The following MINDY2 variants were observed in gnomAD, a reference collection of about 807,000 sequenced individuals.
The protein encoded by MINDY2 is ubiquitin carboxyl-terminal hydrolase MINDY-2.
MINDY2 carries 52 observed loss-of-function variants against 68.2 expected under a neutral mutation model. The ratio of observed to expected loss-of-function variants is 0.76; its 90% CI spans 0.61 to 0.96. The LOEUF (loss-of-function observed/expected upper bound fraction) is 0.96. Among genes scored for constraint, MINDY2 ranks in the 40% least tolerant of loss-of-function variants. The probability of loss-of-function intolerance (pLI) is 0.00; values close to 1 mark genes in which losing one functional copy is unlikely to be tolerated. For synonymous variants in MINDY2, 372 were observed against 303.0 expected (o/e 1.23, Z -2.36); for missense variants, 881 against 773.4 (o/e 1.14, Z -1.65).
At chr15:58,787,276 G>T (rs1217478784) in intron 1 of MINDY2, among the ~76,000 whole-genome samples, 1 of 151,452 alleles carries the variant, frequency 6.6e-6, no homozygotes, top group African/African-American at 2.4e-5. Context: ...TTACAGGCAG[G>T]AGCCACTGTG....
At chr15:58,826,856 CCCTCCCTT>C (rs2031428658) in intron 5 of MINDY2, among the ~76,000 whole-genome samples, 1 of 151,884 alleles carries the variant, frequency 6.6e-6, no homozygotes, top group Non-Finnish European at 1.5e-5. Flanking sequence ...ATTCCTTCCT[CCCTCCCTT>C]CCTCCCTTCC....
intron 5 of MINDY2, among the ~76,000 whole-genome samples, chr15:58,830,858 T>G (rs536984787): frequency 1.3e-5 from 2 of 152,068 alleles, no homozygotes; most frequent in East Asian, 3.9e-4. Context: ...ATGTGCACAT[T>G]GGGCCACTCA....
chr15:58,861,599 T>G lies in MINDY2; in HGVS notation c.*6989T>G, dbSNP rs893671115. Reference sequence around the variant, plus strand: ...ATAAATTTGTTTTAAATACTAATTATTTTAAAACTACTTAATTCTTAAAAA... The same window carrying G: ...ATAAATTTGTTTTAAATACTAATTAGTTTAAAACTACTTAATTCTTAAAAA... On this transcript the variant is annotated 3_prime_UTR_variant, in exon 9 of 9. Coordinates refer to ENST00000559228, the MANE Select transcript of MINDY2 (RefSeq NM_001040450.3). The G allele has an allele frequency of 1.4e-4, 21 of 152,216 alleles. No individual in the cohort carries two copies. The highest frequency in any genetic ancestry group is 5.1e-4 in the African/African-American group (21 of 41,462). 9.4% of individuals were successfully genotyped at this position (152,216 alleles called of 1,614,324 possible).
chr15:58,793,986 A>G (rs1266370623), intron 2 of MINDY2, among the ~76,000 whole-genome samples: 1 of 152,144 alleles, frequency 6.6e-6, no homozygotes, highest in Non-Finnish European at 1.5e-5. Flanking sequence ...CAGCTGCACG[A>G]GTCCAGGCCT....
In MINDY2 at chr15:58,861,527, A is replaced by G. The variant is rs142303662; in HGVS notation, c.*6917A>G. 6.6e-6 allele frequency: 1 copy of G among 152,366 alleles called. No individual in the cohort carries two copies. The highest frequency in any genetic ancestry group is 1.5e-5 in the Non-Finnish European group (1 of 68,034). The allele number at this position is 152,366 out of a possible 1,614,324, so 9.4% of individuals were successfully genotyped here. On this transcript the variant is annotated 3_prime_UTR_variant, in exon 9 of 9. Coordinates refer to ENST00000559228, the MANE Select transcript of MINDY2 (RefSeq NM_001040450.3). ...TGAAATACATTTTTTGCATAAAGAT[A>G]CCTAAAACCATCTACCCAGCTTAGG...
intron 6 of MINDY2, among the ~76,000 whole-genome samples, chr15:58,846,350 T>G (rs2032535673): frequency 6.6e-6 from 1 of 152,042 alleles, no homozygotes; most frequent in Admixed American, 6.6e-5. Context: ...TCCCAGCACT[T>G]TGGGAGGCTG....
intron 7 of MINDY2, among the ~76,000 whole-genome samples, chr15:58,849,927 G>C (rs1431227913): frequency 6.6e-6 from 1 of 152,084 alleles, no homozygotes; most frequent in African/African-American, 2.4e-5. Context: ...AGTGGAGGCA[G>C]GGTTTCGCCA....
intron 1 of MINDY2, among the ~76,000 whole-genome samples, chr15:58,778,041 A>G (rs755305136): frequency 4.6e-5 from 7 of 152,190 alleles, no homozygotes; most frequent in Non-Finnish European, 1.0e-4. Context: ...TATGAAGTTA[A>G]GCCAGAAGGT....
At chr15:58,838,083 A>G (rs1405242925) in intron 6 of MINDY2, among the ~76,000 whole-genome samples, 1 of 151,736 alleles carries the variant, frequency 6.6e-6, no homozygotes, top group Non-Finnish European at 1.5e-5. Flanking sequence ...AATACATTTC[A>G]TCCCACAGAA....
rs77904473 is a variant in MINDY2 at position 58,831,515 on chromosome 15, G to C, written c.1226-259G>C. Reference sequence around the variant, plus strand: ...AACCTGCATGAAATCCTTTGTAATAGTAGGTGAAGTATAAGTAAATGCATT... The same window carrying C: ...AACCTGCATGAAATCCTTTGTAATACTAGGTGAAGTATAAGTAAATGCATT... On this transcript the variant is annotated intron_variant, in intron 5 of 8. Transcript: ENST00000559228. Among the ~76,000 whole-genome samples the C allele has an allele frequency of 2.3e-3, 346 of 151,910 alleles. 1 individual carries two copies. Among genetic ancestry groups the C allele is most frequent in the African/African-American group, 7.8e-3 (323 of 41,298 alleles).
At chr15:58,848,948 AC>A (rs1249051013) in intron 7 of MINDY2, among the ~76,000 whole-genome samples, 1 of 152,106 alleles carries the variant, frequency 6.6e-6, no homozygotes. Flanking sequence ...GGTGGCTCAC[AC>A]CTATAATCCC....
chr15:58,773,285 A>G lies in MINDY2; in HGVS notation c.840+1050A>G, dbSNP rs144375553. Among the ~76,000 whole-genome samples, 1,325 of 152,294 alleles carry G rather than the reference A, an allele frequency of 8.7e-3. 19 individuals carry two copies. The highest frequency in any genetic ancestry group is 0.03 in the African/African-American group (1,248 of 41,548). ...GGGCAATACAGTGAGACCCTATATT[A>G]AAAGAAAAAGAAAAATAACCTGGAT... On this transcript the variant is annotated intron_variant, in intron 1 of 8. Transcript: ENST00000559228.
intron 1 of MINDY2, among the ~76,000 whole-genome samples, chr15:58,773,941 T>A (rs1046172271): frequency 6.6e-6 from 1 of 152,208 alleles, no homozygotes; most frequent in Admixed American, 6.5e-5. Context: ...ATAAGGGCCC[T>A]CAACTAGGGA....
chr15:58,842,256 G>T (rs1032909735), intron 6 of MINDY2, among the ~76,000 whole-genome samples: 1 of 151,872 alleles, frequency 6.6e-6, no homozygotes, highest in Non-Finnish European at 1.5e-5. Flanking sequence ...TGGTTGTTTT[G>T]TTGTTGTTAT....
At chr15:58,831,709 G>C (rs1005873082) in intron 5 of MINDY2, 65 bp from the exon 6 acceptor site, 2 of 1,457,504 alleles carry the variant, frequency 1.4e-6, no homozygotes, top group Admixed American at 2.1e-5. Flanking sequence ...ACTTTAAATA[G>C]AAAAAGAATA....
At chr15:58,825,126 T>TGATA (rs2031310197) in intron 5 of MINDY2, among the ~76,000 whole-genome samples, 1 of 152,214 alleles carries the variant, frequency 6.6e-6, no homozygotes, top group South Asian at 2.1e-4. Flanking sequence ...TGGTCACAGG[T>TGATA]GATAACTTTT....
intron 6 of MINDY2, among the ~76,000 whole-genome samples, chr15:58,836,050 C>T (rs932260986): frequency 6.6e-6 from 1 of 152,088 alleles, no homozygotes; most frequent in East Asian, 1.9e-4. Context: ...GCTGGGACTA[C>T]AGGCGCCCGC....
chr15:58,782,230 A>C (rs914248407), intron 1 of MINDY2, among the ~76,000 whole-genome samples: 3 of 152,190 alleles, frequency 2.0e-5, no homozygotes, highest in Non-Finnish European at 4.4e-5. Context: ...CTAAAAAATC[A>C]TGAATACTAT....
chr15:58,793,632 G>T (rs1052635526), intron 2 of MINDY2, among the ~76,000 whole-genome samples: 3 of 152,048 alleles, frequency 2.0e-5, no homozygotes, highest in African/African-American at 7.2e-5. Context: ...AAAGGGAACT[G>T]CAAAAAATAC....
Sources: allele counts gnomAD v4.1 joint callset (sites outside exome capture counted in the v4.1 genomes callset), GRCh38; gene constraint gnomAD v4.1.1; transcripts MANE v1.5; gene names NCBI Gene and HGNC (gene_info 2026-07-23, HGNC 2026-07-21).